SYPL2: variants seen among roughly 807,000 people sequenced by gnomAD.
The protein encoded by SYPL2 is synaptophysin-like protein 2.
SYPL2 carries 24 observed loss-of-function variants against 31.3 expected under a neutral mutation model. The observed-to-expected ratio is 0.77, with a 90% CI of 0.56 to 1.08. The LOEUF is 1.08. SYPL2 is among the 50% of genes least tolerant of loss of function. The pLI is 0.00. For missense variants in SYPL2, 342 were observed against 360.1 expected, an observed-to-expected ratio of 0.95 and a Z score of 0.41; for synonymous variants, 144 against 143.1, an observed-to-expected ratio of 1.01 and a Z score of -0.05.
At chr1:109,471,657 T>C (rs866333432) in intron 2 of SYPL2, among the ~76,000 whole-genome samples, 1 of 152,110 alleles carries the variant, frequency 6.6e-6, no homozygotes, top group Non-Finnish European at 1.5e-5. Flanking sequence ...TCAAGTGATT[T>C]GCCCGCCTTG....
chr1:109,468,146 A>C (rs542180255), intron 2 of SYPL2, among the ~76,000 whole-genome samples: 3 of 152,184 alleles, frequency 2.0e-5, no homozygotes, highest in Non-Finnish European at 4.4e-5. Flanking sequence ...AATCATAAAG[A>C]CTTGTAGGGG....
At position 109,466,885 on chromosome 1, in the gene SYPL2, G is replaced by A. The variant is rs989069141; in HGVS notation, c.42G>A (p.Ser14=). ...TESAGRTADK[S]PRQQVDRLLV... Reference sequence around the variant, plus strand: ...GCGCCGGCCGCACGGCGGACAAGTCGCCGCGCCAGCAGGTAGTCCCTGCGC... The same window carrying A: ...GCGCCGGCCGCACGGCGGACAAGTCACCGCGCCAGCAGGTAGTCCCTGCGC... Residue 14 remains serine, a synonymous_variant, in exon 1 of 6, where the codon TCG becomes TCA. Transcript: ENST00000369872. 5 of 1,529,518 alleles carry A rather than the reference G, an allele frequency of 3.3e-6. No individual in the cohort carries two copies. In the African/African-American group the frequency reaches 7.0e-5, roughly 21 times the overall value. 94.7% of individuals were successfully genotyped at this position (1,529,518 alleles called of 1,614,324 possible). A position where few individuals can be genotyped will look rare whatever the true frequency, so the allele number is the denominator to read the frequency against.
intron 2 of SYPL2, among the ~76,000 whole-genome samples, chr1:109,474,587 C>G (rs555958386): frequency 1.3e-5 from 2 of 151,932 alleles, no homozygotes; most frequent in African/African-American, 4.8e-5. Flanking sequence ...ATGATCCACC[C>G]GCCTCAGCCT....
At chr1:109,471,581 A>AT (rs35930265) in intron 2 of SYPL2, among the ~76,000 whole-genome samples, 39 of 150,012 alleles carry the variant, frequency 2.6e-4, no homozygotes, top group East Asian at 3.9e-4. Context: ...ACTGAACTGA[A>AT]TTTTTTTTTT....
Position 109,476,803 on chromosome 1 carries a change from C to T in SYPL2, c.282C>T (p.Pro94=), listed in dbSNP as rs779994779. 2 of 1,614,164 alleles carry T rather than the reference C, an allele frequency of 1.2e-6. No individual in the cohort carries two copies. The highest frequency in any genetic ancestry group is 1.7e-6 in the Non-Finnish European group (2 of 1,180,030). ...FRLHRIQYEM[P]LCDEESSSKT... ...TGCACCGGATCCAATATGAGATGCCCCTCTGCGATGAAGAGTCCAGCTCCA... is the reference window on the plus strand; with the variant it reads ...TGCACCGGATCCAATATGAGATGCCTCTCTGCGATGAAGAGTCCAGCTCCA... Residue 94 remains proline (P), a synonymous_variant, in exon 4 of 6, where the codon CCC becomes CCT. Coordinates refer to ENST00000369872, the MANE Select transcript of SYPL2 (RefSeq NM_001040709.2).
chr1:109,472,051 C>G (rs998188064), intron 2 of SYPL2, among the ~76,000 whole-genome samples: 2 of 152,108 alleles, frequency 1.3e-5, no homozygotes, highest in Admixed American at 1.3e-4. Flanking sequence ...CTTAAATAAT[C>G]AAGCTTGGCT....
Position 109,479,530 on chromosome 1 carries a change from A to G in SYPL2, c.801A>G (p.Gly267=). The part of the protein sequence containing the change: ...GPSQESAAEQ[G]AVEKQ ...GCCAGGAGAGTGCAGCTGAGCAGGG[A>G]GCAGTGGAGAAGCAGTAAGCAGCCC... Residue 267 remains glycine, a synonymous_variant, in exon 6 of 6, where the codon GGA becomes GGG. Coordinates refer to ENST00000369872, the MANE Select transcript of SYPL2 (RefSeq NM_001040709.2). 6.8e-6 allele frequency: 11 copies of G among 1,613,874 alleles called. No individual in the cohort carries two copies. The highest frequency in any genetic ancestry group is 9.3e-6 in the Non-Finnish European group (11 of 1,179,846).
rs1656045628 is a variant in SYPL2 at position 109,477,805 on chromosome 1, C to G, written c.457-13C>G. 3 of 1,588,708 alleles carry G rather than the reference C, an allele frequency of 1.9e-6. No homozygotes were observed. The highest frequency in any genetic ancestry group is 1.7e-5 in the Admixed American group (1 of 58,372). On this transcript the variant is annotated splice_polypyrimidine_tract_variant and intron_variant, in intron 4 of 5. Coordinates refer to ENST00000369872, the MANE Select transcript of SYPL2 (RefSeq NM_001040709.2). ...CTTTCTGAGTGTATTTCCCATCCCTCTGCTCCTCCCAGGACTTCTGTGTGA... is the reference window on the plus strand; with the variant it reads ...CTTTCTGAGTGTATTTCCCATCCCTGTGCTCCTCCCAGGACTTCTGTGTGA...
chr1:109,467,628 C>T (rs1338931852), intron 2 of SYPL2, among the ~76,000 whole-genome samples: 2 of 152,132 alleles, frequency 1.3e-5, no homozygotes, highest in African/African-American at 2.4e-5. Context: ...GGGACAGGCT[C>T]TCGGCTCGCC....
rs1004255084 is a variant in SYPL2 at position 109,476,982 on chromosome 1, G to C, written c.456+5G>C. 1 of 1,614,212 alleles carries C rather than the reference G, an allele frequency of 6.2e-7. No individual in the cohort carries two copies. The highest frequency in any genetic ancestry group is 2.2e-5 in the East Asian group (1 of 44,888). ...AACAAACGCTTCCCGCTGGTGGTGA[G>C]TCAGCACAGGCCAGAAGGAATGGGG... On this transcript the variant is annotated splice_donor_5th_base_variant and intron_variant, in intron 4 of 5. Coordinates refer to ENST00000369872, the MANE Select transcript of SYPL2 (RefSeq NM_001040709.2).
chr1:109,471,371 T>A (rs867624840), intron 2 of SYPL2, among the ~76,000 whole-genome samples: 2 of 152,196 alleles, frequency 1.3e-5, no homozygotes, highest in Non-Finnish European at 2.9e-5. Flanking sequence ...CAGAATACAA[T>A]AAATACTAAA....
chr1:109,471,068 A>C (rs1474167843), intron 2 of SYPL2, among the ~76,000 whole-genome samples: 1 of 152,242 alleles, frequency 6.6e-6, no homozygotes, highest in Non-Finnish European at 1.5e-5. Flanking sequence ...TGGAAAGAGC[A>C]CTGGACAGGG....
Position 109,477,867 on chromosome 1 carries a change from C to G in SYPL2, c.506C>G (p.Ala169Gly). 1.2e-6 allele frequency: 2 copies of G among 1,613,716 alleles called. No individual in the cohort carries two copies. The highest frequency in any genetic ancestry group is 1.7e-6 in the Non-Finnish European group (2 of 1,179,760). Residue 169 changes from alanine to glycine, a missense_variant, in exon 5 of 6, where the codon GCT (alanine) becomes GGT (glycine). Transcript: ENST00000369872. ...SFTFFWLVAA[A>G]AWGKGLTDVK... ...ACCTTCTTCTGGCTGGTAGCTGCAG[C>G]TGCCTGGGGCAAGGGCCTGACCGAT...
chr1:109,468,054 AT>A (rs1208224992), intron 2 of SYPL2, among the ~76,000 whole-genome samples: 4 of 152,222 alleles, frequency 2.6e-5, no homozygotes, highest in Non-Finnish European at 1.5e-5. Flanking sequence ...TCTAGTGGAA[AT>A]ACTATCTTGC....
intron 3 of SYPL2, among the ~76,000 whole-genome samples, 182 bp downstream of exon 3, chr1:109,475,887 A>C (rs1655985278): frequency 6.6e-6 from 1 of 152,238 alleles, no homozygotes; most frequent in Non-Finnish European, 1.5e-5. Context: ...TGACCAGAGC[A>C]AAACGTAAGG....
intron 2 of SYPL2, among the ~76,000 whole-genome samples, chr1:109,467,798 A>C (rs1360299686): frequency 6.6e-6 from 1 of 152,228 alleles, no homozygotes; most frequent in East Asian, 1.9e-4. Flanking sequence ...AATAAAATGG[A>C]ACACTGATCT....
rs485660 is a variant in SYPL2, at chr1:109,480,810, G to A, written c.*1262G>A. 43,481 of 152,454 alleles carry A rather than the reference G, an allele frequency of 0.29. 7,067 individuals are homozygous for A. Among genetic ancestry groups the A allele is most frequent in the African/African-American group, 0.44 (18,319 of 41,380 alleles). 9.4% of individuals were successfully genotyped at this position (152,454 alleles called of 1,614,324 possible). A position where few individuals can be genotyped will look rare whatever the true frequency, so the allele number is the denominator to read the frequency against. On this transcript the variant is annotated 3_prime_UTR_variant, in exon 6 of 6. Transcript: ENST00000369872. ...ATGCTATTGGTGCTTCTTCACTTTGGGACCCAGTTCCATATTTGTCTTTAG... is the reference window on the plus strand; with the variant it reads ...ATGCTATTGGTGCTTCTTCACTTTGAGACCCAGTTCCATATTTGTCTTTAG...
At chr1:109,470,099 C>T (rs1259290810) in intron 2 of SYPL2, among the ~76,000 whole-genome samples, 1 of 152,086 alleles carries the variant, frequency 6.6e-6, no homozygotes, top group Non-Finnish European at 1.5e-5. Context: ...GCAATCCTCC[C>T]ACCTCAGCCT....
intron 2 of SYPL2, among the ~76,000 whole-genome samples, chr1:109,469,680 T>TA (rs1478348236): frequency 1.3e-5 from 2 of 151,392 alleles, no homozygotes; most frequent in African/African-American, 2.4e-5. Context: ...GCGTCTCTAT[T>TA]AAAAAATAAA....
Sources: allele counts gnomAD v4.1 joint callset (sites outside exome capture counted in the v4.1 genomes callset), GRCh38; gene constraint gnomAD v4.1.1; transcripts MANE v1.5; gene names NCBI Gene and HGNC (gene_info 2026-07-23, HGNC 2026-07-21).